KIAA1328: variants seen among roughly 807,000 people sequenced by gnomAD.
The protein encoded by KIAA1328 is KIAA1328, also known as protein hinderin.
Under a neutral mutation model 68.1 loss-of-function variants are expected in KIAA1328, and 52 were observed. The ratio of observed to expected loss-of-function variants is 0.76; its 90% confidence interval spans 0.61 to 0.96. The LOEUF is 0.96. KIAA1328 is among the 40% of genes least tolerant of loss of function. KIAA1328 has a pLI of 0.00. For missense variants in KIAA1328, 641 were observed against 677.6 expected, an observed-to-expected ratio of 0.95 and a Z score of 0.60; for synonymous variants, 232 against 239.4, an observed-to-expected ratio of 0.97 and a Z score of 0.28.
chr18:37,095,949 A>G (rs1656731618), intron 7 of KIAA1328, among the ~76,000 whole-genome samples: 1 of 152,222 alleles, frequency 6.6e-6, no homozygotes, highest in Admixed American at 6.5e-5. Context: ...AGAAATTGAA[A>G]GCTCGAACAG....
intron 6 of KIAA1328, among the ~76,000 whole-genome samples, chr18:37,034,378 G>A (rs192618049): frequency 5.3e-5 from 8 of 152,202 alleles, no homozygotes; most frequent in African/African-American, 1.9e-4. Context: ...ATGTATAACA[G>A]GAGTCTTGTA....
intron 6 of KIAA1328, among the ~76,000 whole-genome samples, chr18:37,026,450 T>A (rs940968028): frequency 6.6e-6 from 1 of 152,138 alleles, no homozygotes; most frequent in Non-Finnish European, 1.5e-5. Flanking sequence ...ATATCCCTGA[T>A]GAACATCGAT....
intron 4 of KIAA1328, among the ~76,000 whole-genome samples, chr18:36,859,973 C>A (rs2047511953): frequency 1.4e-5 from 2 of 146,644 alleles, no homozygotes; most frequent in African/African-American, 2.5e-5. Flanking sequence ...TAAATGTTTT[C>A]TTATTCCACA....
chr18:37,159,208 A>G (rs187960164), intron 7 of KIAA1328, among the ~76,000 whole-genome samples: 78 of 152,298 alleles, frequency 5.1e-4, no homozygotes, highest in Non-Finnish European at 8.8e-4. Flanking sequence ...ACACTGCTAA[A>G]AATTCTGATC....
chr18:37,061,740 G>C (rs916910900), intron 6 of KIAA1328, among the ~76,000 whole-genome samples: 1 of 152,084 alleles, frequency 6.6e-6, no homozygotes, highest in Admixed American at 6.6e-5. Flanking sequence ...TAATAAAATA[G>C]CTTAATTTTT....
intron 7 of KIAA1328, among the ~76,000 whole-genome samples, chr18:37,095,039 A>G (rs2057366799): frequency 6.6e-6 from 1 of 152,166 alleles, no homozygotes; most frequent in Non-Finnish European, 1.5e-5. Context: ...GGCTATAACA[A>G]TGGTAAATAC....
At chr18:36,898,336 G>A (rs2048929142) in intron 5 of KIAA1328, among the ~76,000 whole-genome samples, 1 of 151,846 alleles carries the variant, frequency 6.6e-6, no homozygotes, top group African/African-American at 2.4e-5. Context: ...GATTATTTGA[G>A]GAGCATCCCT....
chr18:37,051,347 C>T (rs1027359138), intron 6 of KIAA1328, among the ~76,000 whole-genome samples: 3 of 151,976 alleles, frequency 2.0e-5, no homozygotes, highest in African/African-American at 7.3e-5. Flanking sequence ...CAAATAAGCA[C>T]ACTCAGAAAT....
intron 7 of KIAA1328, among the ~76,000 whole-genome samples, chr18:37,146,538 A>T (rs1293145029): frequency 6.6e-6 from 1 of 152,198 alleles, no homozygotes; most frequent in African/African-American, 2.4e-5. Flanking sequence ...TGCTGCAGTG[A>T]ACATTGGCAT....
At chr18:37,032,396 A>G (rs528657065) in intron 6 of KIAA1328, among the ~76,000 whole-genome samples, 14 of 151,890 alleles carry the variant, frequency 9.2e-5, no homozygotes, top group Admixed American at 8.5e-4. Flanking sequence ...TTGTATTTAC[A>G]TTTCTAGCAG....
chr18:37,080,421 G>T (rs1163650048), intron 7 of KIAA1328, among the ~76,000 whole-genome samples: 1 of 152,156 alleles, frequency 6.6e-6, no homozygotes, highest in African/African-American at 2.4e-5. Context: ...GTTAGCCTTT[G>T]TGAAGGAAAT....
intron 5 of KIAA1328, among the ~76,000 whole-genome samples, chr18:36,910,053 C>CA (rs2049375887): frequency 6.6e-6 from 1 of 152,032 alleles, no homozygotes; most frequent in African/African-American, 2.4e-5. Context: ...GAGTAGATTG[C>CA]AGAAATTTTC....
At chr18:37,160,796 C>T (rs2059263188) in intron 8 of KIAA1328, among the ~76,000 whole-genome samples, 1 of 152,120 alleles carries the variant, frequency 6.6e-6, no homozygotes. Context: ...ATGGACAATT[C>T]CCCATATTGT....
intron 6 of KIAA1328, among the ~76,000 whole-genome samples, chr18:37,057,581 C>T (rs1185904382): frequency 6.6e-6 from 1 of 151,864 alleles, no homozygotes; most frequent in East Asian, 1.9e-4. Context: ...GTGCACACCA[C>T]CACATCTGGC....
intron 5 of KIAA1328, among the ~76,000 whole-genome samples, chr18:36,888,814 A>G (rs1485080430): frequency 6.6e-6 from 1 of 152,188 alleles, no homozygotes; most frequent in African/African-American, 2.4e-5. Flanking sequence ...TTAACTACAG[A>G]TACATTTACC....
At chr18:37,039,496 T>C (rs2151616448) in intron 6 of KIAA1328, among the ~76,000 whole-genome samples, 1 of 152,042 alleles carries the variant, frequency 6.6e-6, no homozygotes. Flanking sequence ...CACTGCACCC[T>C]CCTCATCCCA....
At chr18:36,839,538 T>C (rs2046790298) in intron 3 of KIAA1328, among the ~76,000 whole-genome samples, 1 of 152,214 alleles carries the variant, frequency 6.6e-6, no homozygotes, top group Admixed American at 6.5e-5. Context: ...CCAAGTCATT[T>C]GTGGATAGGT....
intron 4 of KIAA1328, among the ~76,000 whole-genome samples, chr18:36,860,611 G>A (rs563769855): frequency 5.3e-5 from 8 of 151,872 alleles, no homozygotes; most frequent in South Asian, 4.2e-4. Context: ...TCCTTTCTTG[G>A]TATAAATTAT....
intron 4 of KIAA1328, among the ~76,000 whole-genome samples, chr18:36,855,494 T>C (rs1035650850): frequency 1.3e-5 from 2 of 152,106 alleles, no homozygotes; most frequent in African/African-American, 4.8e-5. Context: ...ATTTTTTAAT[T>C]GGATTGTTTG....
Sources: gnomAD v4.1 joint callset for allele counts (sites outside exome capture counted in the v4.1 genomes callset) on GRCh38, gnomAD v4.1.1 for gene constraint, MANE v1.5 for transcripts, NCBI Gene and HGNC (gene_info 2026-07-23, HGNC 2026-07-21) for gene names.